Variants in MYH11 observed in about 807,000 individuals in gnomAD.
MYH11 encodes myosin heavy chain 11.
MYH11 carries 80 observed loss-of-function variants against 246.6 expected under a neutral mutation model. The observed-to-expected ratio is 0.32, with a 90% CI of 0.27 to 0.39. The LOEUF (loss-of-function observed/expected upper bound fraction) is 0.39. Ranked by LOEUF, MYH11 falls within the 10% of genes least tolerant of loss-of-function variation. The pLI, the probability that MYH11 is intolerant of heterozygous loss-of-function variation, is 1.00. For missense variants in MYH11, 2,158 were observed against 2,546.8 expected, an observed-to-expected ratio of 0.85 and a Z score of 3.29; for synonymous variants, 1,071 against 1,015.5, an observed-to-expected ratio of 1.05 and a Z score of -1.04.
Position 15,747,069 on chromosome 16 carries a change from C to CAG in MYH11, c.2411+499_2411+500dup, listed in dbSNP as rs142951060. 3.0e-4 allele frequency among the ~76,000 whole-genome samples: 45 copies of CAG among 148,140 alleles called. 1 individual carries two copies. The South Asian group carries it at 6.6e-3, about 22-fold the overall frequency. ...CGCCACTGCACTCCAGCCTGGGCGA[C>CAG]AGAGAGAGAGAGAGAGACTCTGTCT... On this transcript the variant is annotated intron_variant, in intron 19 of 40. Transcript: ENST00000300036.
chr16:15,776,058 T>C lies in MYH11; in HGVS notation c.889+20A>G, dbSNP rs2042213572. On this transcript the variant is annotated intron_variant, in intron 8 of 40. Transcript: ENST00000300036. ...GGAAGGCTCAAGCCATCCAATCACA[T>C]GTCATTGCTAGTCACTTACTTCTCA... The C allele has an allele frequency of 2.6e-6, 4 of 1,554,430 alleles. No individual in the cohort carries two copies. Among genetic ancestry groups the C allele is most frequent in the Non-Finnish European group, 2.7e-6 (3 of 1,125,480 alleles).
chr16:15,739,419 T>C (rs1368723513), intron 23 of MYH11, among the ~76,000 whole-genome samples: 5 of 152,056 alleles, frequency 3.3e-5, no homozygotes, highest in Non-Finnish European at 4.4e-5. Flanking sequence ...TCTTAAAATA[T>C]GGTGAACGTT....
chr16:15,704,163 C>A (rs1048424841), intron 40 of MYH11, 40 bp from the exon 41 acceptor site: 3 of 1,611,816 alleles, frequency 1.9e-6, no homozygotes, highest in African/African-American at 2.7e-5. Context: ...GCAAAGAAAT[C>A]TTCATGGTTG....
chr16:15,833,161 T>C (rs2043788720), intron 2 of MYH11, among the ~76,000 whole-genome samples: 1 of 151,362 alleles, frequency 6.6e-6, no homozygotes, highest in Admixed American at 6.6e-5. Context: ...TAGCTGGGCA[T>C]CGTGCTACAT....
At chr16:15,737,399 C>G in intron 25 of MYH11, 50 bp downstream of exon 25, 1 of 1,602,582 alleles carries the variant, frequency 6.2e-7, no homozygotes, top group Non-Finnish European at 8.5e-7. Context: ...TGAGCAGGGG[C>G]CCAGGGGATA....
intron 5 of MYH11, 135 bp downstream of exon 5, chr16:15,786,495 C>T (rs745343759): frequency 5.6e-6 from 5 of 900,488 alleles, no homozygotes; most frequent in Non-Finnish European, 9.4e-6. Context: ...GACGGTCCCT[C>T]TTTGAGTCTT....
chr16:15,791,128 A>AT, intron 4 of MYH11: 1 of 151,448 alleles, frequency 6.6e-6, no homozygotes, highest in African/African-American at 2.4e-5. Context: ...GGTAATTTTT[A>AT]TATTTTTAGT....
Position 15,724,034 on chromosome 16 carries a change from TC to T in MYH11, c.4365+126del, listed in dbSNP as rs1396787504. The T allele has an allele frequency of 2.0e-6, 3 of 1,511,150 alleles. No individual in the cohort carries two copies. In the African/African-American group the frequency reaches 4.1e-5, roughly 21 times the overall value. 93.6% of individuals were successfully genotyped at this position (1,511,150 alleles called of 1,614,324 possible). A position where few individuals can be genotyped will look rare whatever the true frequency, so the allele number is the denominator to read the frequency against. ...TCGCCCAAGACAAGATAAGACAGCC[TC>T]CCATGGCTCCCCACAGAGTGGAGAG... On this transcript the variant is annotated intron_variant, in intron 31 of 40. Transcript: ENST00000300036.
chr16:15,706,299 A>G (rs1464058591), intron 40 of MYH11, among the ~76,000 whole-genome samples: 1 of 152,098 alleles, frequency 6.6e-6, no homozygotes, highest in Non-Finnish European at 1.5e-5. Flanking sequence ...CTGTTTTCCA[A>G]GCGCTTGACT....
Position 15,735,506 on chromosome 16 carries a change from G to A in MYH11, c.3366C>T (p.Asp1122=), listed in dbSNP as rs2041091197. 1.2e-6 allele frequency: 2 copies of A among 1,614,120 alleles called. No homozygotes were observed. The highest frequency in any genetic ancestry group is 4.5e-5 in the East Asian group (2 of 44,878). ...KIRELEGHIS[D]LQEDLDSERA... ...GCTCTGAGTCCAGGTCCTCCTGGAG[G>A]TCTGAGATGTGGCCCTCCAGCTCCC... The change falls in exon 26 of 41, where the codon GAC becomes GAT. Residue 1122 remains aspartate, a synonymous_variant. Transcript: ENST00000300036.
chr16:15,708,393 T>G (rs1368243692), intron 40 of MYH11, among the ~76,000 whole-genome samples: 1 of 152,140 alleles, frequency 6.6e-6, no homozygotes, highest in Non-Finnish European at 1.5e-5. Flanking sequence ...AGTGGAACTG[T>G]CATATTCATT....
chr16:15,733,362 T>G (rs1017099115), intron 26 of MYH11, among the ~76,000 whole-genome samples: 1 of 152,138 alleles, frequency 6.6e-6, no homozygotes. Flanking sequence ...GCCTCCTAAG[T>G]AGCTGGGATT....
In MYH11 at chr16:15,757,781, C is replaced by T. The variant is rs368998632; in HGVS notation, c.1575+46G>A. ...ACGTCGGCTCCACAGAGGCCACACA[C>T]GTGTACAAGGTGTGACGGAGCCCCG... On this transcript the variant is annotated intron_variant, in intron 13 of 40. Transcript: ENST00000300036. The T allele has an allele frequency of 2.0e-5, 32 of 1,613,102 alleles. No individual in the cohort carries two copies. In the African/African-American group the frequency reaches 2.5e-4, roughly 13 times the overall value.
Position 15,798,673 on chromosome 16 carries a change from A to G in MYH11, c.517T>C (p.Ser173Pro). 6.2e-7 allele frequency: 1 copy of G among 1,612,536 alleles called. No homozygotes were observed. Among genetic ancestry groups the G allele is most frequent in the East Asian group, 2.2e-5 (1 of 44,862 alleles). Reference sequence around the variant, plus strand: ...AGTTCCACTTACGTGCATAGAATGGACTGGTCCTCCCGATCTGCAAACAGA... The same window carrying G: ...AGTTCCACTTACGTGCATAGAATGGGCTGGTCCTCCCGATCTGCAAACAGA... ...RSMLQDREDQ[S>P]ILCTGESGAG... Residue 173 changes from serine to proline, a missense_variant, in exon 4 of 41, where the codon TCC (serine) becomes CCC (proline). Ser to Pro is a moderately conservative substitution (Grantham distance 74). Coordinates refer to ENST00000300036, the MANE Select transcript of MYH11 (RefSeq NM_002474.3).
chr16:15,823,235 G>A lies in MYH11; in HGVS notation c.502+20C>T, dbSNP rs1328383943. 1.2e-6 allele frequency: 2 copies of A among 1,613,834 alleles called. No individual in the cohort carries two copies. Among genetic ancestry groups the A allele is most frequent in the Non-Finnish European group, 8.5e-7 (1 of 1,180,006 alleles). ...AGGGGCTCCCTGGAGCTGGCCCCGT[G>A]CAGCCCTGAGTTCACTCACCTTGAA... On this transcript the variant is annotated intron_variant, in intron 3 of 40. Transcript: ENST00000300036.
At chr16:15,754,249 G>A (rs965383053) in intron 14 of MYH11, among the ~76,000 whole-genome samples, 25 of 151,868 alleles carry the variant, frequency 1.6e-4, no homozygotes, top group African/African-American at 6.0e-4. Flanking sequence ...AATTAAGCAT[G>A]GCATCCTATT....
At position 15,703,974 on chromosome 16, in the gene MYH11, A is replaced by G. The variant is rs1424265284; in HGVS notation, c.*17T>C. ...TTTTTGGTTTTCTTGCCGTGGTGCA[A>G]AACTGTAGAAAGTTGCTTATTCACT... On this transcript the variant is annotated 3_prime_UTR_variant, in exon 41 of 41. Coordinates refer to ENST00000300036, the MANE Select transcript of MYH11 (RefSeq NM_002474.3). 1 of 1,613,774 alleles carries G rather than the reference A, an allele frequency of 6.2e-7. No individual in the cohort carries two copies. Among genetic ancestry groups the G allele is most frequent in the Admixed American group, 1.7e-5 (1 of 59,978 alleles).
chr16:15,756,093 G>A (rs2041706646), intron 14 of MYH11, among the ~76,000 whole-genome samples: 1 of 152,176 alleles, frequency 6.6e-6, no homozygotes, highest in African/African-American at 2.4e-5. Flanking sequence ...GCGAGACCCT[G>A]TCTCCAACAA....
intron 27 of MYH11, among the ~76,000 whole-genome samples, chr16:15,731,210 C>T (rs1023348019): frequency 2.6e-5 from 4 of 152,176 alleles, no homozygotes; most frequent in African/African-American, 9.7e-5. Flanking sequence ...TGTTGTTACA[C>T]CTTTGCTTAT....
Sources: gnomAD v4.1 joint callset for allele counts (sites outside exome capture counted in the v4.1 genomes callset) on GRCh38, gnomAD v4.1.1 for gene constraint, MANE v1.5 for transcripts, NCBI Gene and HGNC (gene_info 2026-07-23, HGNC 2026-07-21) for gene names.